The following RBFOX1 variants were observed in gnomAD, a reference collection of about 807,000 sequenced individuals.
RBFOX1 encodes the protein RNA binding protein fox-1 homolog 1.
RBFOX1 carries 8 observed loss-of-function variants against 57.7 expected under a neutral mutation model. The observed-to-expected ratio is 0.14, with a 90% CI of 0.08 to 0.25. RBFOX1 has a LOEUF of 0.25. Among genes scored for constraint, RBFOX1 ranks in the 10% least tolerant of loss-of-function variants. The probability of loss-of-function intolerance (pLI) is 1.00; values close to 1 mark genes in which losing one functional copy is unlikely to be tolerated. For missense variants in RBFOX1, 611 were observed against 548.5 expected (o/e 1.11, Z -1.14); for synonymous variants, 326 against 222.4 (o/e 1.47, Z -4.15).
chr16:6,472,578 T>G (rs2153082320), intron 2 of RBFOX1, among the ~76,000 whole-genome samples: 1 of 152,204 alleles, frequency 6.6e-6, no homozygotes, highest in Non-Finnish European at 1.5e-5. Flanking sequence ...TGATGACATT[T>G]TATTCTCTTA....
intron 2 of RBFOX1, among the ~76,000 whole-genome samples, chr16:6,540,012 C>T (rs1035813977): frequency 5.3e-5 from 8 of 152,098 alleles, no homozygotes; most frequent in African/African-American, 1.9e-4. Context: ...TTCAGGTATA[C>T]ACAGCAACCC....
intron 3 of RBFOX1, among the ~76,000 whole-genome samples, chr16:6,679,583 C>A (rs1231048277): frequency 1.3e-5 from 2 of 152,118 alleles, no homozygotes; most frequent in Admixed American, 1.3e-4. Flanking sequence ...GCCTCATTAT[C>A]TTTTTATGCT....
At chr16:6,913,342 A>C (rs1422890207) in intron 3 of RBFOX1, among the ~76,000 whole-genome samples, 1 of 152,122 alleles carries the variant, frequency 6.6e-6, no homozygotes, top group Non-Finnish European at 1.5e-5. Context: ...GAATGGTCCC[A>C]TTTTAACCCC....
chr16:6,684,385 C>G (rs761552965), intron 3 of RBFOX1, among the ~76,000 whole-genome samples: 28 of 152,294 alleles, frequency 1.8e-4, no homozygotes, highest in African/African-American at 6.5e-4. Flanking sequence ...CCATTGAGGG[C>G]AGATGTTTTC....
At chr16:6,621,662 G>GT (rs1406380828) in intron 2 of RBFOX1, among the ~76,000 whole-genome samples, 7 of 152,142 alleles carry the variant, frequency 4.6e-5, no homozygotes, top group Admixed American at 4.6e-4. Context: ...ACATATTACT[G>GT]TATCAACCCC....
At chr16:6,516,692 C>T (rs1277477387) in intron 2 of RBFOX1, among the ~76,000 whole-genome samples, 1 of 152,140 alleles carries the variant, frequency 6.6e-6, no homozygotes. Context: ...ACCAATTATT[C>T]GTGGTGCTAG....
In RBFOX1 at chr16:6,647,387, G is replaced by C. The variant is rs1033395598; in HGVS notation, c.-63-7216G>C. ...CAGCCTCCAAGTAGCTGGGATTATA[G>C]ATGCCCACCACCATGCCTGGCTAAT... On this transcript the variant is annotated intron_variant, in intron 2 of 15. Transcript: ENST00000550418. 3.3e-5 allele frequency among the ~76,000 whole-genome samples: 5 copies of C among 152,126 alleles called. 1 individual carries two copies. The South Asian group carries it at 1.0e-3, about 32-fold the overall frequency.
intron 1 of RBFOX1, among the ~76,000 whole-genome samples, chr16:6,312,943 A>T (rs2080550588): frequency 6.6e-6 from 1 of 152,178 alleles, no homozygotes; most frequent in African/African-American, 2.4e-5. Context: ...TAATTTTTCT[A>T]ATAATTTTTA....
intron 3 of RBFOX1, among the ~76,000 whole-genome samples, chr16:5,726,722 A>G (rs2052166239): frequency 6.6e-6 from 1 of 152,256 alleles, no homozygotes; most frequent in South Asian, 2.1e-4. Flanking sequence ...ATGAACAATA[A>G]TGTAATCATT....
At chr16:5,668,537 A>G (rs540543947) in intron 3 of RBFOX1, among the ~76,000 whole-genome samples, 1 of 152,312 alleles carries the variant, frequency 6.6e-6, no homozygotes, top group East Asian at 1.9e-4. Context: ...GGGAGCATTA[A>G]CAGGGTGGAC....
intron 3 of RBFOX1, among the ~76,000 whole-genome samples, chr16:6,692,371 C>G (rs1170479093): frequency 6.6e-6 from 1 of 152,134 alleles, no homozygotes; most frequent in Non-Finnish European, 1.5e-5. Flanking sequence ...TCCTTGAAGT[C>G]ATTTGATACC....
chr16:5,792,064 C>G (rs150733244), intron 3 of RBFOX1, among the ~76,000 whole-genome samples: 1 of 152,150 alleles, frequency 6.6e-6, no homozygotes, highest in Admixed American at 6.5e-5. Flanking sequence ...GCCTATAAAG[C>G]AAGCAAATTG....
intron 3 of RBFOX1, among the ~76,000 whole-genome samples, chr16:6,683,623 A>T (rs1315028365): frequency 6.6e-6 from 1 of 152,166 alleles, no homozygotes; most frequent in Non-Finnish European, 1.5e-5. Flanking sequence ...TTGTGTTTGC[A>T]TATCCAAACT....
intron 3 of RBFOX1, among the ~76,000 whole-genome samples, chr16:6,823,658 T>C (rs754575594): frequency 2.5e-4 from 38 of 152,228 alleles, no homozygotes; most frequent in Non-Finnish European, 1.0e-4. Context: ...TCTTGATTTC[T>C]TAGGGTCAGT....
intron 4 of RBFOX1, among the ~76,000 whole-genome samples, chr16:7,497,726 T>A (rs1281290384): frequency 6.6e-6 from 1 of 152,214 alleles, no homozygotes; most frequent in African/African-American, 2.4e-5. Context: ...TCACTGAGAC[T>A]TTTAAAAAGA....
chr16:7,425,583 T>C (rs2098602593), intron 4 of RBFOX1, among the ~76,000 whole-genome samples: 1 of 152,226 alleles, frequency 6.6e-6, no homozygotes, highest in Non-Finnish European at 1.5e-5. Context: ...CTTCTGAAAT[T>C]ACATAGTTTC....
At chr16:6,598,204 A>C (rs537149698) in intron 2 of RBFOX1, among the ~76,000 whole-genome samples, 1 of 152,330 alleles carries the variant, frequency 6.6e-6, no homozygotes, top group East Asian at 1.9e-4. Flanking sequence ...AGGGTTTTTT[A>C]AATGTGATCA....
At chr16:6,666,251 A>G (rs946211790) in intron 3 of RBFOX1, among the ~76,000 whole-genome samples, 81 of 152,212 alleles carry the variant, frequency 5.3e-4, no homozygotes, top group African/African-American at 1.9e-3. Context: ...AATGTGACTG[A>G]GGCCGGGCAC....
At position 7,481,501 on chromosome 16, in the gene RBFOX1, A is replaced by G. The variant is rs906071723; in HGVS notation, c.28-36646A>G. Among the ~76,000 whole-genome samples, 11 of 152,232 alleles carry G rather than the reference A, an allele frequency of 7.2e-5. 1 individual carries two copies. The highest frequency in any genetic ancestry group is 1.4e-4 in the African/African-American group (6 of 41,460). ...TCTTTTGGTGAGTTAGCAAGAATCT[A>G]TCATACCTTAATTTGATCTTACTTG... On this transcript the variant is annotated intron_variant, in intron 4 of 15. Coordinates refer to ENST00000550418, the MANE Select transcript of RBFOX1 (RefSeq NM_018723.4).
Sources: gnomAD v4.1 joint callset for allele counts (sites outside exome capture counted in the v4.1 genomes callset) on GRCh38, gnomAD v4.1.1 for gene constraint, MANE v1.5 for transcripts, NCBI Gene and HGNC (gene_info 2026-07-23, HGNC 2026-07-21) for gene names.